CNTN6: variants seen among roughly 807,000 people sequenced by gnomAD.
CNTN6 encodes the protein contactin-6.
CNTN6 carries 137 observed loss-of-function variants against 122.8 expected under a neutral mutation model. The observed-to-expected ratio is 1.12, with a 90% confidence interval of 0.97 to 1.29. The LOEUF is 1.29. Ranked by LOEUF, CNTN6 falls within the 50% of genes most tolerant of loss-of-function variation. CNTN6 has a pLI of 0.00. For synonymous variants in CNTN6, 570 were observed against 426.0 expected (o/e 1.34, Z -4.16); for missense variants, 1,634 against 1,223.4 (o/e 1.34, Z -5.01).
intron 4 of CNTN6, among the ~76,000 whole-genome samples, chr3:1,252,047 G>A (rs1225144396): frequency 6.6e-6 from 1 of 152,150 alleles, no homozygotes; most frequent in Non-Finnish European, 1.5e-5. Flanking sequence ...AACAAAGGCA[G>A]CCTCTTTCTT....
Position 1,315,413 on chromosome 3 carries a change from C to T in CNTN6, c.762-6237C>T, listed in dbSNP as rs1433749249. Among the ~76,000 whole-genome samples the T allele has an allele frequency of 7.0e-4, 107 of 151,840 alleles. 1 individual carries two copies. Among genetic ancestry groups the T allele is most frequent in the Admixed American group, 6.8e-3 (104 of 15,192 alleles). ...TAGAAGGTAGATCACAATAAATTAGCGTGCTCTGGAACTCTAAGTGGAGGA... is the reference window on the plus strand; with the variant it reads ...TAGAAGGTAGATCACAATAAATTAGTGTGCTCTGGAACTCTAAGTGGAGGA... On this transcript the variant is annotated intron_variant, in intron 7 of 22. Coordinates refer to ENST00000446702, the MANE Select transcript of CNTN6 (RefSeq NM_001289080.2).
intron 12 of CNTN6, among the ~76,000 whole-genome samples, chr3:1,358,791 C>A (rs1707013845): frequency 6.6e-6 from 1 of 152,000 alleles, no homozygotes; most frequent in African/African-American, 2.4e-5. Flanking sequence ...AAACTACAGG[C>A]TGGGTGTGGT....
chr3:1,374,326 A>T (rs1709555315), intron 16 of CNTN6, among the ~76,000 whole-genome samples: 1 of 152,090 alleles, frequency 6.6e-6, no homozygotes, highest in South Asian at 2.1e-4. Context: ...CTGTGTTTGC[A>T]TCGCATCTAT....
At chr3:1,190,831 T>G (rs1254599560) in intron 2 of CNTN6, among the ~76,000 whole-genome samples, 4 of 152,170 alleles carry the variant, frequency 2.6e-5, no homozygotes, top group Admixed American at 2.6e-4. Flanking sequence ...CTTGGCAGCC[T>G]CTGAGATTAG....
At position 1,331,429 on chromosome 3, in the gene CNTN6, C is replaced by G. The variant is rs369950715; in HGVS notation, c.1364+1494C>G. ...GGGGAAATCCCTCAAGACATAGGAACAGGTGCTTCAGAACTAAGGTGAAAG... is the reference window on the plus strand; with the variant it reads ...GGGGAAATCCCTCAAGACATAGGAAGAGGTGCTTCAGAACTAAGGTGAAAG... On this transcript the variant is annotated intron_variant, in intron 11 of 22. Coordinates refer to ENST00000446702, the MANE Select transcript of CNTN6 (RefSeq NM_001289080.2). 5.5e-4 allele frequency among the ~76,000 whole-genome samples: 84 copies of G among 152,064 alleles called. 1 individual carries two copies. The highest frequency in any genetic ancestry group is 1.9e-3 in the African/African-American group (78 of 41,546).
At chr3:1,370,989 C>T (rs939126929) in intron 12 of CNTN6, among the ~76,000 whole-genome samples, 25 of 151,984 alleles carry the variant, frequency 1.6e-4, no homozygotes, top group African/African-American at 5.1e-4. Context: ...AGAACTATAG[C>T]GTGTGTTTTT....
intron 3 of CNTN6, among the ~76,000 whole-genome samples, chr3:1,221,232 A>G (rs1390452545): frequency 6.6e-6 from 1 of 152,166 alleles, no homozygotes; most frequent in Non-Finnish European, 1.5e-5. Context: ...AAGAAAAGAA[A>G]GATAAAAGGA....
At chr3:1,224,817 C>T (rs1228155486) in intron 3 of CNTN6, among the ~76,000 whole-genome samples, 1 of 152,154 alleles carries the variant, frequency 6.6e-6, no homozygotes, top group Non-Finnish European at 1.5e-5. Context: ...GCAATTTTGA[C>T]TCACTGCAAC....
chr3:1,321,562 TGA>T (rs1700844568), intron 7 of CNTN6, 86 bp from the exon 8 acceptor site: 1 of 1,170,460 alleles, frequency 8.5e-7, no homozygotes, highest in African/African-American at 1.6e-5. Flanking sequence ...ATATTTTTCT[TGA>T]GAGTTATTTG....
intron 4 of CNTN6, among the ~76,000 whole-genome samples, chr3:1,244,508 C>G (rs1474765531): frequency 6.9e-6 from 1 of 145,362 alleles, no homozygotes; most frequent in Admixed American, 7.3e-5. Context: ...TTGAGGGGTA[C>G]TTGGCCCTGC....
At chr3:1,197,255 A>T (rs2093791200) in intron 2 of CNTN6, among the ~76,000 whole-genome samples, 1 of 152,194 alleles carries the variant, frequency 6.6e-6, no homozygotes, top group South Asian at 2.1e-4. Flanking sequence ...GTTTCTGATT[A>T]ATCTTTGGCT....
intron 2 of CNTN6, among the ~76,000 whole-genome samples, chr3:1,172,451 G>C (rs912861557): frequency 6.6e-6 from 1 of 152,192 alleles, no homozygotes; most frequent in Admixed American, 6.5e-5. Flanking sequence ...CATTTAATCT[G>C]TATAGTGAAA....
At chr3:1,167,017 G>A (rs150246991) in intron 2 of CNTN6, among the ~76,000 whole-genome samples, 19 of 150,590 alleles carry the variant, frequency 1.3e-4, no homozygotes, top group South Asian at 6.3e-4. Context: ...AAACCTGCAC[G>A]TTCTGCACAT....
At chr3:1,244,083 C>T (rs1243257253) in intron 4 of CNTN6, among the ~76,000 whole-genome samples, 1 of 152,082 alleles carries the variant, frequency 6.6e-6, no homozygotes, top group African/African-American at 2.4e-5. Context: ...ATCGAACGTG[C>T]CGTTTTCTGG....
intron 17 of CNTN6, among the ~76,000 whole-genome samples, chr3:1,380,410 T>C (rs1710490095): frequency 6.6e-6 from 1 of 152,196 alleles, no homozygotes; most frequent in Non-Finnish European, 1.5e-5. Context: ...ATTTTTAGAA[T>C]ATAGCAATGG....
intron 4 of CNTN6, among the ~76,000 whole-genome samples, chr3:1,245,223 T>TACACACACATATATATATAAC (rs1487209403): frequency 1.1e-4 from 2 of 18,798 alleles, no homozygotes; most frequent in Non-Finnish European, 9.0e-5. Context: ...TATATATATA[T>TACACACACATATATATATAAC]ATATATATAT....
chr3:1,311,152 A>G (rs967629144), intron 7 of CNTN6, among the ~76,000 whole-genome samples: 2 of 141,500 alleles, frequency 1.4e-5, no homozygotes, highest in Admixed American at 1.4e-4. Flanking sequence ...AAATGTCTTT[A>G]TATATACATA....
intron 17 of CNTN6, among the ~76,000 whole-genome samples, chr3:1,381,985 G>A (rs1691966066): frequency 6.6e-6 from 1 of 151,870 alleles, no homozygotes; most frequent in Non-Finnish European, 1.5e-5. Flanking sequence ...TAGTGTGATT[G>A]ATAGAATAAA....
intron 7 of CNTN6, among the ~76,000 whole-genome samples, chr3:1,315,971 C>A (rs571964677): frequency 4.6e-5 from 7 of 151,814 alleles, no homozygotes; most frequent in African/African-American, 1.5e-4. Flanking sequence ...CATATGGATC[C>A]CTTAACAGAG....
Sources: allele counts gnomAD v4.1 joint callset (sites outside exome capture counted in the v4.1 genomes callset), GRCh38; gene constraint gnomAD v4.1.1; transcripts MANE v1.5; gene names NCBI Gene and HGNC (gene_info 2026-07-23, HGNC 2026-07-21).